Variants in NXPE2 observed in about 807,000 individuals in gnomAD.
The protein encoded by NXPE2 is neurexophilin and PC-esterase domain family member 2.
Under a neutral mutation model 34.4 loss-of-function variants are expected in NXPE2, and 34 were observed. The ratio of observed to expected loss-of-function variants is 0.99; its 90% CI spans 0.75 to 1.31. The LOEUF is 1.31. Among genes scored for constraint, NXPE2 ranks in the 40% most tolerant of loss-of-function variants. NXPE2 has a pLI of 0.00. For missense variants in NXPE2, 649 were observed against 672.5 expected, an observed-to-expected ratio of 0.97 and a Z score of 0.39; for synonymous variants, 235 against 231.3, an observed-to-expected ratio of 1.02 and a Z score of -0.15.
intron 2 of NXPE2, among the ~76,000 whole-genome samples, chr11:114,694,413 C>T (rs1040761726): frequency 6.6e-6 from 1 of 152,140 alleles, no homozygotes; most frequent in African/African-American, 2.4e-5. Flanking sequence ...AGTGATATGC[C>T]TAGAGGTAGA....
At chr11:114,659,569 A>G in the NXPE2 span, among the ~76,000 whole-genome samples, 2 of 152,290 alleles carry the variant, frequency 1.3e-5, no homozygotes, top group East Asian at 1.9e-4. Context: ...ACATACTTCT[A>G]CATAATTCAA....
At chr11:114,675,217 TG>T (rs1950844393), upstream of NXPE2, among the ~76,000 whole-genome samples, 1 of 151,842 alleles carries the variant, frequency 6.6e-6, no homozygotes, top group African/African-American at 2.4e-5. Context: ...TACTCAATGG[TG>T]AAAATCTAAA....
At chr11:114,523,079 A>AT in the NXPE2 span, 5 of 1,612,120 alleles carry the variant, frequency 3.1e-6, no homozygotes, top group East Asian at 2.2e-5. Context: ...TGTCTCTTCT[A>AT]TTTTTTCTCT....
chr11:114,707,395 ATTATT>A (rs1325828992), downstream of NXPE2: 17 of 418,230 alleles, frequency 4.1e-5, no homozygotes, highest in Admixed American at 7.8e-5. Flanking sequence ...CATGCCCGGC[ATTATT>A]TTATTTTATT....
the NXPE2 span, among the ~76,000 whole-genome samples, chr11:114,643,817 G>T: frequency 1.3e-5 from 2 of 152,110 alleles, no homozygotes; most frequent in African/African-American, 4.8e-5. Flanking sequence ...GTGGTAGCTT[G>T]ATGGGGATAG....
chr11:114,639,928 T>C, the NXPE2 span, among the ~76,000 whole-genome samples: 3 of 115,558 alleles, frequency 2.6e-5, no homozygotes, highest in Non-Finnish European at 4.8e-5. Flanking sequence ...TTATATTATA[T>C]ATTATATTAA....
the NXPE2 span, among the ~76,000 whole-genome samples, chr11:114,630,587 C>T: frequency 1.3e-5 from 2 of 151,552 alleles, no homozygotes; most frequent in African/African-American, 2.4e-5. Context: ...AAAACCTAGG[C>T]ATTACCATTC....
At chr11:114,557,241 A>G in the NXPE2 span, among the ~76,000 whole-genome samples, 1 of 152,082 alleles carries the variant, frequency 6.6e-6, no homozygotes, top group East Asian at 1.9e-4. Context: ...AAATTATTCT[A>G]TTTCCATTCT....
chr11:114,633,979 G>A, the NXPE2 span, among the ~76,000 whole-genome samples: 4 of 151,992 alleles, frequency 2.6e-5, no homozygotes, highest in Non-Finnish European at 5.9e-5. Flanking sequence ...TATATACCCA[G>A]TAATGGGATG....
chr11:114,626,638 G>A, the NXPE2 span, among the ~76,000 whole-genome samples: 1 of 152,222 alleles, frequency 6.6e-6, no homozygotes, highest in Admixed American at 6.5e-5. Flanking sequence ...AAGGAACGCA[G>A]TTCCTCACCA....
the NXPE2 span, among the ~76,000 whole-genome samples, chr11:114,470,281 A>G: frequency 3.3e-5 from 5 of 152,312 alleles, no homozygotes; most frequent in African/African-American, 1.2e-4. Flanking sequence ...ACTGTTTACT[A>G]AAGTTATTGT....
the NXPE2 span, among the ~76,000 whole-genome samples, chr11:114,656,515 GT>G: frequency 1.3e-5 from 2 of 152,028 alleles, no homozygotes; most frequent in Non-Finnish European, 1.5e-5. Flanking sequence ...TAGATCCCAA[GT>G]TTTTCATCTC....
At chr11:114,770,076 A>G in the NXPE2 span, among the ~76,000 whole-genome samples, 1 of 152,242 alleles carries the variant, frequency 6.6e-6, no homozygotes. Context: ...GGGCTATAGC[A>G]TAAGGCTCAC....
the NXPE2 span, among the ~76,000 whole-genome samples, chr11:114,599,084 C>G: frequency 6.6e-5 from 10 of 152,126 alleles, no homozygotes; most frequent in Admixed American, 5.9e-4. Context: ...CACATGCATA[C>G]GAGCATAGGT....
At chr11:114,531,042 G>T in the NXPE2 span, 2 of 939,114 alleles carry the variant, frequency 2.1e-6, no homozygotes, top group Middle Eastern at 2.3e-4. Flanking sequence ...TGAATATTTG[G>T]TAATAAAGTG....
the NXPE2 span, among the ~76,000 whole-genome samples, chr11:114,606,595 G>A: frequency 6.6e-6 from 1 of 151,930 alleles, no homozygotes; most frequent in Non-Finnish European, 1.5e-5. Context: ...ATTTCCTTGT[G>A]GGTAACCACT....
the NXPE2 span, among the ~76,000 whole-genome samples, chr11:114,564,797 A>G: frequency 6.6e-6 from 1 of 152,224 alleles, no homozygotes; most frequent in Non-Finnish European, 1.5e-5. Flanking sequence ...AATTCTGGAA[A>G]GGAAAATCCA....
At chr11:114,470,829 C>G in the NXPE2 span, among the ~76,000 whole-genome samples, 1 of 152,076 alleles carries the variant, frequency 6.6e-6, no homozygotes, top group Non-Finnish European at 1.5e-5. Flanking sequence ...GGAGGTCTAT[C>G]TACGTTATGG....
chr11:114,517,378 A>G, the NXPE2 span, among the ~76,000 whole-genome samples: 1 of 152,256 alleles, frequency 6.6e-6, no homozygotes, highest in Admixed American at 6.5e-5. Context: ...GATTATTCTC[A>G]CTATAAACAC....
Sources: allele counts gnomAD v4.1 joint callset (sites outside exome capture counted in the v4.1 genomes callset), GRCh38; gene constraint gnomAD v4.1.1; transcripts MANE v1.5; gene names NCBI Gene and HGNC (gene_info 2026-07-23, HGNC 2026-07-21).